CELA3B: variants seen among roughly 807,000 people sequenced by gnomAD.
CELA3B encodes the protein chymotrypsin like elastase 3B.
CELA3B carries 34 observed loss-of-function variants against 37.2 expected under a neutral mutation model. The ratio of observed to expected loss-of-function variants is 0.91; its 90% CI spans 0.70 to 1.22. The LOEUF is 1.22. Ranked by LOEUF, CELA3B falls within the 50% of genes most tolerant of loss-of-function variation. The probability of loss-of-function intolerance (pLI) is 0.00; values close to 1 mark genes in which losing one functional copy is unlikely to be tolerated. For missense variants in CELA3B, 340 were observed against 363.1 expected (o/e 0.94, Z 0.52); for synonymous variants, 127 against 143.5 (o/e 0.89, Z 0.82).
intron 7 of CELA3B, 50 bp downstream of exon 7, chr1:21,986,733 A>C: frequency 6.3e-7 from 1 of 1,575,902 alleles, no homozygotes; most frequent in Non-Finnish European, 8.6e-7. Context: ...GGCTCTTCTG[A>C]GAGGTGACAG....
chr1:21,978,624 C>T (rs760493870), intron 2 of CELA3B, among the ~76,000 whole-genome samples, 170 bp downstream of exon 2: 14 of 152,154 alleles, frequency 9.2e-5, no homozygotes, highest in Non-Finnish European at 1.9e-4. Context: ...TTGCCCATTC[C>T]GTCTGTAACC....
chr1:21,979,277 G>A (rs903249200), intron 2 of CELA3B, among the ~76,000 whole-genome samples: 7 of 151,254 alleles, frequency 4.6e-5, no homozygotes, highest in African/African-American at 1.7e-4. Context: ...TCACTATGTT[G>A]GCCAGGCCAG....
At chr1:21,995,600 C>T (rs1233765744) in intron 4 of CELA3B, among the ~76,000 whole-genome samples, 1 of 151,082 alleles carries the variant, frequency 6.6e-6, no homozygotes, top group Non-Finnish European at 1.5e-5. Context: ...TTATCCCCTT[C>T]CCTTTTTTTC....
At chr1:21,992,024 G>A (rs10917104), downstream of CELA3B, among the ~76,000 whole-genome samples, 72,709 of 150,460 alleles carry the variant, frequency 0.48, 21,628 homozygotes, top group Middle Eastern at 0.71. Context: ...GGAGGCTGAG[G>A]CAGGAGAATT....
downstream of CELA3B, among the ~76,000 whole-genome samples, chr1:21,993,316 G>C (rs1477741114): frequency 6.6e-6 from 1 of 150,864 alleles, no homozygotes; most frequent in East Asian, 2.0e-4. Context: ...CAAAAAATTA[G>C]CTGAGCATGG....
intron 2 of CELA3B, among the ~76,000 whole-genome samples, chr1:21,980,297 T>C (rs368651980): frequency 0.072 from 10,829 of 149,414 alleles, 1,107 homozygotes; most frequent in African/African-American, 0.22. Context: ...CTGGCCAACA[T>C]GGTGAAACTC....
chr1:21,980,955 C>G (rs370709464), intron 3 of CELA3B, 34 bp downstream of exon 3: 7 of 1,613,934 alleles, frequency 4.3e-6, no homozygotes, highest in Non-Finnish European at 5.1e-6. Flanking sequence ...CCTGTGGCCC[C>G]GGGCAGCTGG....
chr1:21,985,016 A>C (rs10799725), intron 6 of CELA3B, among the ~76,000 whole-genome samples: 132,842 of 151,068 alleles, frequency 0.88, 58,993 homozygotes, highest in Middle Eastern at 0.95. Context: ...ACAGTCCCTC[A>C]TGCCTATAAT....
At chr1:21,978,214 T>G in intron 1 of CELA3B, among the ~76,000 whole-genome samples, 155 bp from the exon 2 acceptor site, 1 of 150,278 alleles carries the variant, frequency 6.7e-6, no homozygotes, top group Admixed American at 6.7e-5. Flanking sequence ...GTTTAAATGT[T>G]CACTATTCAT....
chr1:21,997,651 T>C (rs1218380750), intron 4 of CELA3B, among the ~76,000 whole-genome samples: 2 of 150,216 alleles, frequency 1.3e-5, no homozygotes, highest in African/African-American at 5.0e-5. Flanking sequence ...ATCTAGCCAT[T>C]GCACTCCAGC....
rs1204516148 is a variant in CELA3B, at chr1:21,983,772, T to C, written c.441T>C (p.Ala147=). Residue 147 remains alanine (A), a synonymous_variant, in exon 5 of 8, where the codon GCT becomes GCC. Transcript: ENST00000337107. ...TCCAGCTCGCCTCACTCCCTCCGGC[T>C]GGTGACATCCTTCCCAACGAGACAC... ...DAVQLASLPP[A]GDILPNETPC... 6.2e-7 allele frequency: 1 copy of C among 1,614,082 alleles called. No homozygotes were observed. Among genetic ancestry groups the C allele is most frequent in the Admixed American group, 1.7e-5 (1 of 59,996 alleles).
intron 4 of CELA3B, among the ~76,000 whole-genome samples, chr1:21,983,176 C>A (rs1569841206): frequency 6.6e-6 from 1 of 152,026 alleles, no homozygotes; most frequent in East Asian, 1.9e-4. Flanking sequence ...ATGGCAAAAC[C>A]CCGTCTCTAC....
At chr1:21,995,320 G>T (rs536288611) in intron 4 of CELA3B, among the ~76,000 whole-genome samples, 1 of 150,584 alleles carries the variant, frequency 6.6e-6, no homozygotes, top group Non-Finnish European at 1.5e-5. Flanking sequence ...TGTATTTTTA[G>T]TAAAGACGGG....
chr1:21,978,279 A>T (rs1279695005), intron 1 of CELA3B, 90 bp from the exon 2 acceptor site: 27 of 1,451,698 alleles, frequency 1.9e-5, no homozygotes, highest in Non-Finnish European at 2.5e-5. Context: ...TCACACAGCC[A>T]CTTGAAGGCA....
chr1:21,977,234 T>C, intron 1 of CELA3B, 152 bp downstream of exon 1: 1 of 1,208,130 alleles, frequency 8.3e-7, no homozygotes, highest in Non-Finnish European at 1.2e-6. Context: ...GTGGGGGCTT[T>C]CAGCTTATGA....
At chr1:21,992,117 T>A (rs572531788), downstream of CELA3B, among the ~76,000 whole-genome samples, 5 of 150,154 alleles carry the variant, frequency 3.3e-5, no homozygotes, top group East Asian at 9.8e-4. Flanking sequence ...CAAAACTCCG[T>A]TTCAAAAAAA....
In CELA3B at chr1:21,981,069, G is replaced by A. The variant is rs369807680; in HGVS notation, c.259G>A (p.Glu87Lys). Residue 87 changes from glutamate to lysine, a missense_variant, in exon 4 of 8, where the codon GAG (glutamate) becomes AAG (lysine). Glu to Lys is a moderately conservative substitution (Grantham distance 56, BLOSUM62 1). Transcript: ENST00000337107. ...SSRTYQVVLG[E>K]YDRAVKEGPE... Reference sequence around the variant, plus strand: ...CCGGACCTACCAGGTGGTGTTGGGCGAGTACGACCGTGCTGTGAAGGAGGG... The same window carrying A: ...CCGGACCTACCAGGTGGTGTTGGGCAAGTACGACCGTGCTGTGAAGGAGGG... 9.5e-5 allele frequency: 154 copies of A among 1,613,922 alleles called. No homozygotes were observed. The highest frequency in any genetic ancestry group is 1.7e-4 in the Middle Eastern group (1 of 5,988).
At chr1:21,988,762 C>T (rs544305773) in intron 7 of CELA3B, among the ~76,000 whole-genome samples, 405 of 150,400 alleles carry the variant, frequency 2.7e-3, no homozygotes, top group Non-Finnish European at 4.1e-3. Context: ...TGGTGGCGTA[C>T]GCCTGTAGTC....
chr1:21,989,004 T>C (rs1644857130), intron 7 of CELA3B, among the ~76,000 whole-genome samples: 1 of 152,022 alleles, frequency 6.6e-6, no homozygotes, highest in Admixed American at 6.6e-5. Flanking sequence ...TATATGTATA[T>C]ATATCTATGC....
Sources: gnomAD v4.1 joint callset for allele counts (sites outside exome capture counted in the v4.1 genomes callset) on GRCh38, gnomAD v4.1.1 for gene constraint, MANE v1.5 for transcripts, NCBI Gene and HGNC (gene_info 2026-07-23, HGNC 2026-07-21) for gene names.